Variants in SHH observed in about 807,000 individuals in gnomAD.
SHH encodes the protein sonic hedgehog signaling molecule, also known as sonic hedgehog protein.
Under a neutral mutation model 16.6 loss-of-function variants are expected in SHH, and 3 were observed. The ratio of observed to expected loss-of-function variants is 0.18; its 90% CI spans 0.08 to 0.47. The LOEUF is 0.47. Ranked by LOEUF, SHH falls within the 20% of genes least tolerant of loss-of-function variation. SHH has a pLI of 0.98. For synonymous variants in SHH, 351 were observed against 316.2 expected (o/e 1.11, Z -1.17); for missense variants, 499 against 665.0 (o/e 0.75, Z 2.75).
rs898824656 is a variant in SHH, at chr7:155,809,942, C to G, written c.300+1881G>C. Among the ~76,000 whole-genome samples, 41 of 151,736 alleles carry G rather than the reference C, an allele frequency of 2.7e-4. No individual in the cohort carries two copies. The highest frequency in any genetic ancestry group is 8.7e-4 in the African/African-American group (36 of 41,498). ...GCGTCCCAGGGCAGGCCGGCGGAGC[C>G]CGCGATGCGCCCCGGCCCCTGCGCG... On this transcript the variant is annotated intron_variant, in intron 1 of 2. Transcript: ENST00000297261. This position sits in a 1 kb window ranked among gnomAD's most constrained non-coding sequence, Gnocchi z 6.1.
intron 1 of SHH, among the ~76,000 whole-genome samples, chr7:155,810,918 C>T (rs1036784006): frequency 1.3e-5 from 2 of 152,226 alleles, no homozygotes; most frequent in African/African-American, 4.8e-5. Context: ...CTAGAATTGG[C>T]TGGGAGATTG....
intron 1 of SHH, among the ~76,000 whole-genome samples, chr7:155,810,437 G>A (rs1321855296): frequency 6.6e-6 from 1 of 152,252 alleles, no homozygotes; most frequent in Non-Finnish European, 1.5e-5. Context: ...GCTAGCCGGA[G>A]AACTCCCTCC....
rs893420701 is a variant in SHH at position 155,800,512 on chromosome 7, C to T, written c.*2388G>A. ...TCTGATCGTCTGGGCTGCACGGCCA[C>T]ATTGCCAGGTCTGTCTACACAGCCA... On this transcript the variant is annotated 3_prime_UTR_variant, in exon 3 of 3. Transcript: ENST00000297261. The T allele has an allele frequency of 6.0e-5, 28 of 469,384 alleles. No homozygotes were observed. The highest frequency in any genetic ancestry group is 4.0e-4 in the Admixed American group (17 of 42,442). The allele number at this position is 469,384 out of a possible 1,614,324, so 29.1% of individuals were successfully genotyped here.
Position 155,812,253 on chromosome 7 carries a change from C to T in SHH, c.-131G>A. On this transcript the variant is annotated 5_prime_UTR_variant, in exon 1 of 3. Transcript: ENST00000297261. The stretch of plus-strand genomic sequence containing the variant: ...TCGCTCCGGCTCGCCCGCTCGCTCT[C>T]TCCCTCGCTGGCTGCCTCGCTCTTT... 1 of 870,808 alleles carries T rather than the reference C, an allele frequency of 1.1e-6. No homozygotes were observed. Among genetic ancestry groups the T allele is most frequent in the East Asian group, 2.6e-5 (1 of 38,490 alleles). The allele number at this position is 870,808 out of a possible 1,614,324, so 53.9% of individuals were successfully genotyped here.
At chr7:155,808,202 C>A (rs1803415998) in intron 1 of SHH, among the ~76,000 whole-genome samples, 2 of 152,210 alleles carry the variant, frequency 1.3e-5, no homozygotes, top group Non-Finnish European at 2.9e-5. Flanking sequence ...TGAGTGAGGT[C>A]ATCTTGAGGA....
rs957231069 is a variant in SHH at position 155,800,029 on chromosome 7, A to C, written c.*2871T>G. The stretch of plus-strand genomic sequence containing the variant: ...TATTCAAACAATAGAGCACAAAGAT[A>C]ACAGTTTCAAGTACATTGTGATACA... On this transcript the variant is annotated 3_prime_UTR_variant, in exon 3 of 3. Coordinates refer to ENST00000297261, the MANE Select transcript of SHH (RefSeq NM_000193.4). 7.4e-5 allele frequency: 35 copies of C among 471,298 alleles called. No homozygotes were observed. In the Admixed American group the frequency reaches 8.2e-4, roughly 11 times the overall value. The allele number at this position is 471,298 out of a possible 1,614,324, so 29.2% of individuals were successfully genotyped here. A position where few individuals can be genotyped will look rare whatever the true frequency, so the allele number is the denominator to read the frequency against.
At chr7:155,805,262 C>T (rs1261861825) in intron 2 of SHH, among the ~76,000 whole-genome samples, 2 of 151,990 alleles carry the variant, frequency 1.3e-5, no homozygotes, top group African/African-American at 4.8e-5. Context: ...GGCGCCGCCT[C>T]CTGCCTGCCT....
chr7:155,805,275 A>G (rs1334330617), intron 2 of SHH, among the ~76,000 whole-genome samples: 1 of 151,588 alleles, frequency 6.6e-6, no homozygotes, highest in East Asian at 2.0e-4. Flanking sequence ...GCCTGCCTGC[A>G]GCCGGGAGCT....
At position 155,803,166 on chromosome 7, in the gene SHH, G is replaced by T. The variant is rs755458166; in HGVS notation, c.1123C>A (p.Arg375=). The T allele has an allele frequency of 2.7e-5, 39 of 1,449,042 alleles. No individual in the cohort carries two copies. Among genetic ancestry groups the T allele is most frequent in the Non-Finnish European group, 9.1e-7 (1 of 1,099,194 alleles). The allele number at this position is 1,449,042 out of a possible 1,614,324, so 89.8% of individuals were successfully genotyped here. ...AVIEEHSWAH[R]AFAPFRLAHA... ...GCCAGGCGGAAGGGCGCGAAGGCCC[G>T]GTGCGCCCAGCTGTGCTCCTCGATG... The change falls in exon 3 of 3, where the codon CGG becomes AGG. Residue 375 remains arginine (R), a synonymous_variant. Transcript: ENST00000297261.
At chr7:155,805,152 G>T (rs919096623) in intron 2 of SHH, among the ~76,000 whole-genome samples, 6 of 151,594 alleles carry the variant, frequency 4.0e-5, no homozygotes, top group African/African-American at 1.5e-4. Context: ...GGCCTCCGGA[G>T]ACCCCCGCTA....
chr7:155,806,299 C>G lies in SHH; in HGVS notation c.559G>C (p.Ala187Pro). The G allele has an allele frequency of 6.2e-7, 1 of 1,613,238 alleles. No homozygotes were observed. ...SKAHIHCSVK[A>P]ENSVAAKSGG... ...CGGGGGGCCAGGGCCAGCTTACCTG[C>G]TTTCACCGAGCAGTGGATATGTGCC... The change falls in exon 2 of 3, where the codon GCA becomes CCA. Residue 187 changes from alanine to proline, a missense_variant. Ala to Pro is a conservative substitution (Grantham distance 27). Around this residue, in one of 4 missense-constraint regions of SHH, gnomAD observed 114 missense variants for 200.4 expected, o/e 0.57. Transcript: ENST00000297261.
chr7:155,805,521 A>T (rs9333629), intron 2 of SHH, among the ~76,000 whole-genome samples: 1,852 of 152,326 alleles, frequency 0.012, 38 homozygotes, highest in African/African-American at 0.042. Context: ...AAACGTGCCA[A>T]TTTATGCGGG....
At position 155,812,224 on chromosome 7, in the gene SHH, T is replaced by C; in HGVS notation, c.-102A>G. 1 of 1,144,188 alleles carries C rather than the reference T, an allele frequency of 8.7e-7. No individual in the cohort carries two copies. The highest frequency in any genetic ancestry group is 1.8e-5 in the Admixed American group (1 of 55,798). The allele number at this position is 1,144,188 out of a possible 1,614,324, so 70.9% of individuals were successfully genotyped here. Reference sequence around the variant, plus strand: ...TGTGCGCTCTCTCTTGCGCTTTCCCTTCCTCGCTCCGGCTCGCCCGCTCGC... The same window carrying C: ...TGTGCGCTCTCTCTTGCGCTTTCCCCTCCTCGCTCCGGCTCGCCCGCTCGC... On this transcript the variant is annotated 5_prime_UTR_variant, in exon 1 of 3. Coordinates refer to ENST00000297261, the MANE Select transcript of SHH (RefSeq NM_000193.4).
chr7:155,805,175 G>A (rs1323788612), intron 2 of SHH, among the ~76,000 whole-genome samples: 3 of 151,898 alleles, frequency 2.0e-5, no homozygotes, highest in African/African-American at 7.2e-5. Flanking sequence ...GGGACCCCGC[G>A]GGCAGGGAGC....
At position 155,809,908 on chromosome 7, in the gene SHH, G is replaced by C. The variant is rs985660703; in HGVS notation, c.300+1915C>G. On this transcript the variant is annotated intron_variant, in intron 1 of 2. Transcript: ENST00000297261. The surrounding 1 kb of genome is among the most constrained non-coding windows in gnomAD (Gnocchi z 6.1). ...GAGGCCAGGCAGGCGGCGGACTGGGGATGGGGGCGCGTCCCAGGGCAGGCC... is the reference window on the plus strand; with the variant it reads ...GAGGCCAGGCAGGCGGCGGACTGGGCATGGGGGCGCGTCCCAGGGCAGGCC... Among the ~76,000 whole-genome samples, 1 of 151,534 alleles carries C rather than the reference G, an allele frequency of 6.6e-6. No homozygotes were observed. Among genetic ancestry groups the C allele is most frequent in the African/African-American group, 2.4e-5 (1 of 41,376 alleles).
intron 2 of SHH, among the ~76,000 whole-genome samples, chr7:155,805,631 T>C (rs1232717537): frequency 1.3e-5 from 2 of 152,192 alleles, no homozygotes; most frequent in South Asian, 2.1e-4. Context: ...GCGTGTGGCG[T>C]TGCAGGCCCA....
rs546723395 is a variant in SHH at position 155,809,356 on chromosome 7, A to G, written c.300+2467T>C. Among the ~76,000 whole-genome samples, 4 of 152,078 alleles carry G rather than the reference A, an allele frequency of 2.6e-5. No homozygotes were observed. In the South Asian group the frequency reaches 8.3e-4, roughly 32 times the overall value. ...TGGGGCAGAGCCTAGGTGGTTATTT[A>G]AAATGAGGGCGGCCGAGCAGGCTCC... On this transcript the variant is annotated intron_variant, in intron 1 of 2. Coordinates refer to ENST00000297261, the MANE Select transcript of SHH (RefSeq NM_000193.4). This position sits in a 1 kb window ranked among gnomAD's most constrained non-coding sequence, Gnocchi z 6.1.
intron 2 of SHH, among the ~76,000 whole-genome samples, chr7:155,804,355 G>C (rs1254864460): frequency 6.6e-6 from 1 of 152,188 alleles, no homozygotes; most frequent in Non-Finnish European, 1.5e-5. Context: ...ACATTCCAGA[G>C]ATTGGCCGAG....
chr7:155,811,581 T>A (rs1803523887), intron 1 of SHH, among the ~76,000 whole-genome samples: 1 of 152,074 alleles, frequency 6.6e-6, no homozygotes. Context: ...AGGGCCATAA[T>A]GAACCACGTC....
Sources: gnomAD v4.1 joint callset for allele counts (sites outside exome capture counted in the v4.1 genomes callset) on GRCh38, gnomAD v4.1.1 for gene constraint, gnomAD v4.1.1 regional missense constraint, Gnocchi (gnomAD v3.1) non-coding constraint, MANE v1.5 for transcripts, NCBI Gene and HGNC (gene_info 2026-07-23, HGNC 2026-07-21) for gene names.